The following CUX1 variants were observed in gnomAD, a reference collection of about 807,000 sequenced individuals.
CUX1 encodes the protein protein CASP.
In CUX1, 31 loss-of-function variants were observed where a neutral mutation model predicts 158.8. The observed-to-expected ratio is 0.20, with a 90% CI of 0.15 to 0.26. CUX1 has a LOEUF of 0.26. Ranked by LOEUF, CUX1 falls within the 10% of genes least tolerant of loss-of-function variation. CUX1 has a pLI of 1.00. For missense variants in CUX1, 1,589 were observed against 2,014.6 expected (o/e 0.79, Z 4.04); for synonymous variants, 879 against 862.1 (o/e 1.02, Z -0.34).
chr7:101,855,923 TA>T (rs1796752341), intron 1 of CUX1, among the ~76,000 whole-genome samples: 1 of 149,270 alleles, frequency 6.7e-6, no homozygotes, highest in Non-Finnish European at 1.5e-5. Flanking sequence ...TTAGCGCCTG[TA>T]ATCCCAGCAC....
intron 8 of CUX1, among the ~76,000 whole-genome samples, chr7:102,152,572 A>T (rs1466081921): frequency 6.6e-6 from 1 of 152,166 alleles, no homozygotes; most frequent in African/African-American, 2.4e-5. Flanking sequence ...TTGTACTTTT[A>T]GTAGAAACGG....
upstream of CUX1, chr7:101,817,036 C>A (rs1464163566): frequency 2.0e-6 from 2 of 984,394 alleles, no homozygotes; most frequent in Non-Finnish European, 2.4e-6. This position sits in a 1 kb window ranked among gnomAD's most constrained non-coding sequence, Gnocchi z 4.1. Flanking sequence ...CCGTGGCGGA[C>A]CCCCGCGGGG....
intron 5 of CUX1, among the ~76,000 whole-genome samples, chr7:102,101,270 G>T (rs76833343): frequency 6.6e-6 from 1 of 152,278 alleles, no homozygotes; most frequent in South Asian, 2.1e-4. Context: ...CACCCATCCC[G>T]CAATGATGAG....
chr7:102,072,956 C>T (rs1826287951), intron 4 of CUX1, among the ~76,000 whole-genome samples: 1 of 152,080 alleles, frequency 6.6e-6, no homozygotes. Context: ...GTTGGTTCCT[C>T]AGGCTCAGGA....
chr7:102,262,760 G>A (rs555600830), downstream of CUX1, among the ~76,000 whole-genome samples: 3 of 152,302 alleles, frequency 2.0e-5, no homozygotes, highest in South Asian at 2.1e-4. Context: ...TGGGAATCCC[G>A]GTGCAACTTT....
chr7:102,157,501 C>T (rs929722130), intron 8 of CUX1, among the ~76,000 whole-genome samples: 1 of 152,136 alleles, frequency 6.6e-6, no homozygotes, highest in Admixed American at 6.6e-5. Context: ...CTCTCCAGGC[C>T]GGGCGCGGTG....
chr7:101,914,968 G>A (rs1584966903), intron 1 of CUX1, among the ~76,000 whole-genome samples: 1 of 152,170 alleles, frequency 6.6e-6, no homozygotes, highest in South Asian at 2.1e-4. Flanking sequence ...GTGGTGGGGG[G>A]TGGAGAAGGA....
At chr7:102,228,422 C>T (rs1471582336) in intron 21 of CUX1, among the ~76,000 whole-genome samples, 3 of 151,994 alleles carry the variant, frequency 2.0e-5, no homozygotes, top group African/African-American at 7.2e-5. Context: ...TACTCAGGAG[C>T]CTAAGGTGGG....
chr7:102,187,674 ATTTTT>A, intron 11 of CUX1, among the ~76,000 whole-genome samples: 1 of 142,402 alleles, frequency 7.0e-6, no homozygotes, highest in African/African-American at 2.6e-5. Context: ...AATTTTTTGT[ATTTTT>A]TTTTTTTTTT....
chr7:101,949,176 G>T (rs1808750007), intron 2 of CUX1, among the ~76,000 whole-genome samples: 1 of 152,034 alleles, frequency 6.6e-6, no homozygotes, highest in Non-Finnish European at 1.5e-5. Flanking sequence ...CTGTCGCCCA[G>T]GCTGGAGTGC....
rs554594058 is a variant in CUX1, at chr7:102,149,899, C to T, written c.675-8661C>T. 1.7e-4 allele frequency among the ~76,000 whole-genome samples: 26 copies of T among 152,248 alleles called. 1 individual carries two copies. In the South Asian group the frequency reaches 5.2e-3, roughly 30 times the overall value. Reference sequence around the variant, plus strand: ...GGGTCCAGCGAGCCCCACCTCTGTCCGTTTCCTCTACCCCCTGTGCTAAGG... The same window carrying T: ...GGGTCCAGCGAGCCCCACCTCTGTCTGTTTCCTCTACCCCCTGTGCTAAGG... On this transcript the variant is annotated intron_variant, in intron 8 of 23. Coordinates refer to ENST00000292535, the MANE Select transcript of CUX1 (RefSeq NM_181552.4).
At chr7:101,959,457 A>G (rs1810189442) in intron 2 of CUX1, 1 of 152,046 alleles carries the variant, frequency 6.6e-6, no homozygotes, top group African/African-American at 2.4e-5. Context: ...TCGTCATTAT[A>G]TGGCAAACCA....
intron 5 of CUX1, among the ~76,000 whole-genome samples, chr7:102,102,784 C>T (rs1829919522): frequency 6.6e-6 from 1 of 152,218 alleles, no homozygotes; most frequent in Non-Finnish European, 1.5e-5. Flanking sequence ...GAGCTCCCCT[C>T]TCTTGGGGGC....
At chr7:101,983,062 G>A (rs1813678027) in intron 2 of CUX1, among the ~76,000 whole-genome samples, 3 of 151,976 alleles carry the variant, frequency 2.0e-5, no homozygotes, top group East Asian at 1.9e-4. Flanking sequence ...AGTTCCTGAC[G>A]GCCCACCTCA....
chr7:101,867,829 T>C (rs1199501488), intron 1 of CUX1, among the ~76,000 whole-genome samples: 1 of 152,098 alleles, frequency 6.6e-6, no homozygotes, highest in Non-Finnish European at 1.5e-5. Flanking sequence ...TTTTTTTTTT[T>C]TCTGAGACAG....
At chr7:102,259,753 AAAAAG>A (rs1187435471), downstream of CUX1, among the ~76,000 whole-genome samples, 1 of 27,588 alleles carries the variant, frequency 3.6e-5, no homozygotes, top group Non-Finnish European at 1.2e-4. Flanking sequence ...AAAAAAAAAA[AAAAAG>A]AAAGAAAAGA....
At chr7:102,001,354 T>G (rs567393335) in intron 2 of CUX1, among the ~76,000 whole-genome samples, 1 of 152,060 alleles carries the variant, frequency 6.6e-6, no homozygotes, top group Admixed American at 6.5e-5. Flanking sequence ...TTTGTTTGTT[T>G]ATTTTCTGAG....
At chr7:102,104,492 C>T in intron 6 of CUX1, 33 bp downstream of exon 6, 1 of 1,605,782 alleles carries the variant, frequency 6.2e-7, no homozygotes. Context: ...CACAGACTGA[C>T]ATAGCATTTG....
At position 102,216,683 on chromosome 7, in the gene CUX1, T is replaced by TCC. The variant is rs1339415753; in HGVS notation, c.3131-10680_3131-10679dup. Among the ~76,000 whole-genome samples the TCC allele has an allele frequency of 3.3e-3, 40 of 12,098 alleles. 1 individual carries two copies. The East Asian group carries it at 0.094, about 28-fold the overall frequency. 7.9% of individuals were successfully genotyped at this position (12,098 alleles called of 152,430 possible). On this transcript the variant is annotated intron_variant, in intron 20 of 23. Coordinates refer to ENST00000292535, the MANE Select transcript of CUX1 (RefSeq NM_181552.4). Reference sequence around the variant, plus strand: ...CCCACACACACTCACACACACACACTCCCCCACACACACTCCCACACGCAC... The same window carrying TCC: ...CCCACACACACTCACACACACACACTCCCCCCCACACACACTCCCACACGCAC...
Sources: gnomAD v4.1 joint callset for allele counts (sites outside exome capture counted in the v4.1 genomes callset) on GRCh38, gnomAD v4.1.1 for gene constraint, Gnocchi (gnomAD v3.1) non-coding constraint, MANE v1.5 for transcripts, NCBI Gene and HGNC (gene_info 2026-07-23, HGNC 2026-07-21) for gene names.